Variants in COL6A5 observed in about 807,000 individuals in gnomAD.
The protein encoded by COL6A5 is collagen alpha-5(VI) chain.
A neutral mutation model predicts 65.6 loss-of-function variants in COL6A5; 48 were observed. The ratio of observed to expected loss-of-function variants is 0.73; its 90% CI spans 0.58 to 0.93. The LOEUF (loss-of-function observed/expected upper bound fraction) is 0.93. COL6A5 is among the 40% of genes least tolerant of loss of function. The probability of loss-of-function intolerance (pLI) is 0.00; values close to 1 mark genes in which losing one functional copy is unlikely to be tolerated. For synonymous variants in COL6A5, 291 were observed against 322.8 expected, an observed-to-expected ratio of 0.90 and a Z score of 1.05; for missense variants, 914 against 928.3, an observed-to-expected ratio of 0.98 and a Z score of 0.20.
At chr3:130,405,961 T>C (rs985904502) in intron 14 of COL6A5, 32 bp from the exon 15 acceptor site, 1 of 1,549,324 alleles carries the variant, frequency 6.5e-7, no homozygotes, top group Non-Finnish European at 8.7e-7. Flanking sequence ...CTGTCTTTGA[T>C]TTGTCAGTGA....
intron 5 of COL6A5, among the ~76,000 whole-genome samples, chr3:130,460,125 G>A (rs1559915194): frequency 6.6e-6 from 1 of 152,078 alleles, no homozygotes; most frequent in Non-Finnish European, 1.5e-5. Flanking sequence ...AGCAGTATTG[G>A]CTTCTGAGTC....
Position 130,433,546 on chromosome 3 carries a change from C to T in COL6A5, c.487+1597C>T, listed in dbSNP as rs78548615. ...TTGAGCAGTGCTCCCTTTAGTCATT[C>T]TTTATTCTTCCCTGCCTTGCACTCT... On this transcript the variant is annotated intron_variant, in intron 1 of 7. Coordinates refer to ENST00000512836, the Ensembl canonical transcript of COL6A5. Among the ~76,000 whole-genome samples, 170 of 152,270 alleles carry T rather than the reference C, an allele frequency of 1.1e-3. 1 individual carries two copies. Among genetic ancestry groups the T allele is most frequent in the East Asian group, 6.9e-3 (36 of 5,184 alleles).
At chr3:130,365,362 C>A (rs765263324) in intron 1 of COL6A5, among the ~76,000 whole-genome samples, 26 of 152,180 alleles carry the variant, frequency 1.7e-4, no homozygotes, top group Admixed American at 4.6e-4. Context: ...ACTGCAAGCT[C>A]CGCCTCCCGG....
chr3:130,385,017 T>C, exon 5 of COL6A5: 2 of 1,550,830 alleles, frequency 1.3e-6, no homozygotes, highest in Non-Finnish European at 1.7e-6. Flanking sequence ...GATATTGACT[T>C]AAGAAAGGCT....
intron 28 of COL6A5, among the ~76,000 whole-genome samples, chr3:130,423,151 G>A (rs1937545102): frequency 6.6e-6 from 1 of 152,030 alleles, no homozygotes; most frequent in African/African-American, 2.4e-5. Flanking sequence ...GTGGGAAGAT[G>A]TCCTTCCCAC....
intron 27 of COL6A5, 123 bp from the exon 28 acceptor site, chr3:130,422,597 T>C: frequency 1.6e-6 from 1 of 626,498 alleles, no homozygotes; most frequent in Non-Finnish European, 2.8e-6. Context: ...TTTAATGTTG[T>C]ATTGGCCTTC....
At chr3:130,400,125 C>A (rs1053993988) in intron 10 of COL6A5, among the ~76,000 whole-genome samples, 7 of 152,154 alleles carry the variant, frequency 4.6e-5, no homozygotes, top group Non-Finnish European at 1.0e-4. Context: ...ATCTCCTTAC[C>A]TCCCCGGGTA....
chr3:130,407,185 G>C (rs1168120611), intron 17 of COL6A5, among the ~76,000 whole-genome samples: 2 of 152,134 alleles, frequency 1.3e-5, no homozygotes, highest in East Asian at 3.9e-4. Flanking sequence ...GACAGAGGGA[G>C]TAGCATAAGC....
intron 1 of COL6A5, among the ~76,000 whole-genome samples, chr3:130,435,011 G>T (rs1454562710): frequency 6.6e-6 from 1 of 152,184 alleles, no homozygotes; most frequent in African/African-American, 2.4e-5. Flanking sequence ...TGAAGTCTTT[G>T]CCCATGCCTA....
chr3:130,357,916 A>G (rs552437200), intron 1 of COL6A5, among the ~76,000 whole-genome samples: 6 of 152,210 alleles, frequency 3.9e-5, no homozygotes, highest in African/African-American at 1.4e-4. Context: ...CTGGCCGAGC[A>G]TGGTGGCTCA....
At chr3:130,405,633 G>T in exon 14 of COL6A5, 4 of 1,550,768 alleles carry the variant, frequency 2.6e-6, no homozygotes, top group Non-Finnish European at 3.5e-6. Flanking sequence ...AGGGATTGCA[G>T]GATGTCCAGG....
At chr3:130,475,425 A>G (rs977194893) in intron 7 of COL6A5, among the ~76,000 whole-genome samples, 1 of 152,146 alleles carries the variant, frequency 6.6e-6, no homozygotes, top group African/African-American at 2.4e-5. Context: ...CTCATCAGAA[A>G]CCATGAAGGC....
At chr3:130,419,054 A>C (rs985249066) in intron 25 of COL6A5, 123 bp downstream of exon 25, 4 of 756,706 alleles carry the variant, frequency 5.3e-6, no homozygotes, top group Non-Finnish European at 9.1e-6. Context: ...CATCTAGGAA[A>C]ATGTGAGAAC....
chr3:130,423,360 A>G (rs181451549), intron 28 of COL6A5, among the ~76,000 whole-genome samples: 35 of 152,268 alleles, frequency 2.3e-4, no homozygotes, highest in African/African-American at 7.0e-4. Flanking sequence ...CATCAGTGTG[A>G]AAAAAGATGC....
chr3:130,376,771 A>T (rs1204614111), exon 3 of COL6A5: 1 of 1,613,544 alleles, frequency 6.2e-7, no homozygotes, highest in South Asian at 1.1e-5. Context: ...TTTTCCCAAA[A>T]CATGACACAG....
At position 130,373,654 on chromosome 3, in the gene COL6A5, A is replaced by G. The variant is rs543004522; in HGVS notation, c.16A>G (p.Ile6Val). The G allele has an allele frequency of 4.8e-5, 74 of 1,538,972 alleles. 2 individuals carry two copies. The South Asian group carries it at 8.2e-4, about 17-fold the overall frequency. ...CACTAACAAAATGAAGATCTTGCTAATTATATTTGTCCTAATCATTTGGAC... is the reference window on the plus strand; with the variant it reads ...CACTAACAAAATGAAGATCTTGCTAGTTATATTTGTCCTAATCATTTGGAC... Residue 6 changes from isoleucine to valine, a missense_variant and NMD_transcript_variant, in exon 2 of 42, where the codon ATT (isoleucine) becomes GTT (valine). Transcript: ENST00000312481.
At chr3:130,377,616 C>A (rs1341920044) in intron 3 of COL6A5, among the ~76,000 whole-genome samples, 1 of 152,178 alleles carries the variant, frequency 6.6e-6, no homozygotes, top group Non-Finnish European at 1.5e-5. Flanking sequence ...CTGTGTTGTC[C>A]CATCCTAGAC....
At chr3:130,423,768 A>G (rs757073522) in intron 28 of COL6A5, 70 bp from the exon 29 acceptor site, 2 of 1,212,920 alleles carry the variant, frequency 1.6e-6, no homozygotes, top group Non-Finnish European at 2.3e-6. Context: ...AGAAAGTCTT[A>G]TCGAAACTGA....
chr3:130,408,296 G>A lies in COL6A5; in HGVS notation c.4480-1030G>A, dbSNP rs1234654562. Among the ~76,000 whole-genome samples the A allele has an allele frequency of 3.3e-5, 5 of 151,222 alleles. No homozygotes were observed. In the East Asian group the frequency reaches 9.8e-4, roughly 30 times the overall value. ...GGGGTGGTGGCAGGGGGTGGGGGCG[G>A]GTCTCTAAAATGGCTGCTCTGGGAG... On this transcript the variant is annotated intron_variant and NMD_transcript_variant, in intron 17 of 41. Coordinates refer to the COL6A5 transcript ENST00000312481.
Sources: gnomAD v4.1 joint callset for allele counts (sites outside exome capture counted in the v4.1 genomes callset) on GRCh38, gnomAD v4.1.1 for gene constraint, MANE v1.5 for transcripts, NCBI Gene and HGNC (gene_info 2026-07-23, HGNC 2026-07-21) for gene names.